NT5C1B: variants seen among roughly 807,000 people sequenced by gnomAD.
NT5C1B encodes 5'-nucleotidase, cytosolic IB, also known as cytosolic 5'-nucleotidase 1B.
Under a neutral mutation model 57.8 loss-of-function variants are expected in NT5C1B, and 44 were observed. The observed-to-expected ratio is 0.76, with a 90% CI of 0.60 to 0.98. The LOEUF (loss-of-function observed/expected upper bound fraction) is 0.98. Among genes scored for constraint, NT5C1B ranks in the 50% least tolerant of loss-of-function variants. NT5C1B has a pLI of 0.00. For missense variants in NT5C1B, 742 were observed against 719.5 expected, an observed-to-expected ratio of 1.03 and a Z score of -0.36; for synonymous variants, 284 against 282.6, an observed-to-expected ratio of 1.00 and a Z score of -0.05.
chr2:18,566,408 A>G (rs919410509), intron 8 of NT5C1B, among the ~76,000 whole-genome samples: 2 of 152,182 alleles, frequency 1.3e-5, no homozygotes, highest in Non-Finnish European at 2.9e-5. Context: ...AAGGTTGTAT[A>G]TCTTAGAAAA....
intron 6 of NT5C1B, among the ~76,000 whole-genome samples, chr2:18,577,261 T>A (rs915216592): frequency 6.6e-6 from 1 of 151,968 alleles, no homozygotes; most frequent in Non-Finnish European, 1.5e-5. Context: ...TTTAGATGCA[T>A]AGAGCAGACT....
At position 18,584,560 on chromosome 2, in the gene NT5C1B, A is replaced by G. The variant is rs749382143; in HGVS notation, c.677T>C (p.Met226Thr). ...CGGGTTCTTCTCGTAGAACGACCTC[A>G]TGGATGCCCAGTAGGCAGCCTCGTA... The change falls in exon 4 of 9, where the codon ATG becomes ACG. Residue 226 changes from methionine to threonine, a missense_variant. Transcript: ENST00000304081. The surrounding 1 kb of genome is among the most constrained non-coding windows in gnomAD (Gnocchi z 5.8). The G allele has an allele frequency of 3.1e-6, 5 of 1,612,788 alleles. No homozygotes were observed. The South Asian group carries it at 4.4e-5, about 14-fold the overall frequency.
intron 6 of NT5C1B, among the ~76,000 whole-genome samples, chr2:18,582,228 C>T (rs1266989404): frequency 2.0e-5 from 3 of 152,288 alleles, no homozygotes; most frequent in African/African-American, 4.8e-5. Flanking sequence ...ACTTATATCT[C>T]GATTATTTGT....
exon 9 of NT5C1B, chr2:18,562,913 CAT>C (rs375017170): frequency 2.2e-4 from 33 of 152,096 alleles, no homozygotes; most frequent in South Asian, 6.2e-4. Context: ...AATGAAGTAA[CAT>C]GTGAAAATAA....
intron 3 of NT5C1B, among the ~76,000 whole-genome samples, chr2:18,585,984 A>T (rs1296047627): frequency 3.9e-5 from 6 of 152,118 alleles, no homozygotes; most frequent in Non-Finnish European, 7.3e-5. Flanking sequence ...GGAAGGAAGG[A>T]GGAAGTGTGC....
intron 5 of NT5C1B, chr2:18,583,707 A>C: frequency 2.6e-6 from 1 of 387,600 alleles, no homozygotes. Flanking sequence ...TTAATATGCT[A>C]TGTTTGGGGC....
chr2:18,581,323 G>A (rs929064155), intron 6 of NT5C1B, among the ~76,000 whole-genome samples: 3 of 151,930 alleles, frequency 2.0e-5, no homozygotes, highest in African/African-American at 4.8e-5. Context: ...TTCTGATAAC[G>A]ATTTCTACAG....
chr2:18,566,462 A>G lies in NT5C1B; in HGVS notation c.1330-2343T>C, dbSNP rs554308739. On this transcript the variant is annotated intron_variant, in intron 8 of 8. Transcript: ENST00000304081. ...TCTCACGGTAAGAGGCCATACATAT[A>G]GGTGAAAAAACTGGGACTGTTTTTA... 9.8e-5 allele frequency among the ~76,000 whole-genome samples: 15 copies of G among 152,330 alleles called. No homozygotes were observed. In the South Asian group the frequency reaches 1.7e-3, roughly 17 times the overall value.
Position 18,584,134 on chromosome 2 carries a change from T to C in NT5C1B, c.845A>G (p.Asn282Ser), listed in dbSNP as rs758819732. 3.1e-6 allele frequency: 5 copies of C among 1,614,030 alleles called. No homozygotes were observed. In the Admixed American group the frequency reaches 6.7e-5, roughly 22 times the overall value. ...GCCCGGGGTCAGGATGACGTTCTCA[T>C]TGGTGAGCTGATACTCCATGTACTT... Residue 282 changes from asparagine to serine, a missense_variant, in exon 5 of 9, where the codon AAT becomes AGT. Coordinates refer to ENST00000304081, the Ensembl canonical transcript of NT5C1B. The surrounding 1 kb of genome is among the most constrained non-coding windows in gnomAD (Gnocchi z 5.8).
intron 2 of NT5C1B, chr2:18,586,989 C>T (rs989000688): frequency 1.9e-6 from 3 of 1,614,068 alleles, no homozygotes; most frequent in Non-Finnish European, 2.5e-6. Flanking sequence ...GTGATCTCTG[C>T]TCACCCTCAT....
chr2:18,586,844 A>G (rs1016088158), intron 2 of NT5C1B: 9 of 1,405,164 alleles, frequency 6.4e-6, no homozygotes, highest in African/African-American at 5.8e-5. Context: ...CTGAAAAGGA[A>G]TGGAGCCCTC....
exon 7 of NT5C1B, chr2:18,576,795 T>G (rs1230302847): frequency 3.1e-6 from 5 of 1,613,904 alleles, no homozygotes; most frequent in Non-Finnish European, 3.4e-6. Context: ...CCTCTTGCAC[T>G]TTTTCAGAAT....
chr2:18,569,362 A>T (rs540795000), intron 8 of NT5C1B, among the ~76,000 whole-genome samples: 64 of 152,310 alleles, frequency 4.2e-4, no homozygotes, highest in African/African-American at 1.5e-3. Context: ...GAAAAAACAT[A>T]GGAAGATAGT....
At chr2:18,569,105 G>A (rs1664917439) in intron 8 of NT5C1B, among the ~76,000 whole-genome samples, 1 of 152,126 alleles carries the variant, frequency 6.6e-6, no homozygotes, top group Non-Finnish European at 1.5e-5. Context: ...AACATGAGAG[G>A]CAGAGTTTGG....
chr2:18,588,043 A>G (rs1666882327), intron 1 of NT5C1B, among the ~76,000 whole-genome samples: 1 of 152,170 alleles, frequency 6.6e-6, no homozygotes, highest in African/African-American at 2.4e-5. Context: ...AGCCTCACCA[A>G]TATTAGTTTG....
chr2:18,570,158 TA>T (rs200994265), intron 8 of NT5C1B, among the ~76,000 whole-genome samples: 1,881 of 151,414 alleles, frequency 0.012, 34 homozygotes, highest in African/African-American at 0.038. Context: ...TTGAATTAAA[TA>T]AAAAAAAATC....
exon 9 of NT5C1B, chr2:18,563,413 T>C (rs1664348604): frequency 6.3e-6 from 1 of 159,386 alleles, no homozygotes; most frequent in Non-Finnish European, 1.4e-5. Flanking sequence ...GAAGACACTA[T>C]TCTACAATGC....
intron 8 of NT5C1B, among the ~76,000 whole-genome samples, chr2:18,570,075 T>A (rs965851866): frequency 1.3e-5 from 2 of 152,108 alleles, no homozygotes; most frequent in African/African-American, 4.8e-5. Flanking sequence ...TCCAAATATA[T>A]GATAATTAAA....
intron 2 of NT5C1B, chr2:18,587,281 C>CTGTG: frequency 6.7e-7 from 1 of 1,489,070 alleles, no homozygotes; most frequent in Non-Finnish European, 8.9e-7. Flanking sequence ...GAGGAGCCTG[C>CTGTG]TGTGGTTCCA....
Sources: allele counts gnomAD v4.1 joint callset (sites outside exome capture counted in the v4.1 genomes callset), GRCh38; gene constraint gnomAD v4.1.1; non-coding constraint Gnocchi (gnomAD v3.1); transcripts MANE v1.5; gene names NCBI Gene and HGNC (gene_info 2026-07-23, HGNC 2026-07-21).